The following CAST variants were observed in gnomAD, a reference collection of about 807,000 sequenced individuals.
CAST encodes the protein calpastatin.
CAST carries 76 observed loss-of-function variants against 119.6 expected under a neutral mutation model. That is an observed-to-expected ratio of 0.64 (90% CI 0.53 to 0.77). The LOEUF is 0.77. Among genes scored for constraint, CAST ranks in the 30% least tolerant of loss-of-function variants. The pLI, the probability that CAST is intolerant of heterozygous loss-of-function variation, is 0.00. For synonymous variants in CAST, 319 were observed against 331.6 expected (o/e 0.96, Z 0.41); for missense variants, 953 against 946.5 (o/e 1.01, Z -0.09).
the CAST span, among the ~76,000 whole-genome samples, chr5:96,236,126 T>TATCTATCTATCTATCC: frequency 2.0e-5 from 2 of 100,654 alleles, 1 homozygote; most frequent in Admixed American, 1.9e-4. Flanking sequence ...TCTATCTATC[T>TATCTATCTATCTATCC]CTCTATCTAT....
the CAST span, among the ~76,000 whole-genome samples, chr5:96,453,752 G>C: frequency 6.6e-6 from 1 of 152,128 alleles, no homozygotes; most frequent in African/African-American, 2.4e-5. Flanking sequence ...TTGATATATT[G>C]ATCTAATCAG....
chr5:96,684,369 G>A (rs73774385), intron 2 of CAST, among the ~76,000 whole-genome samples: 2,598 of 152,082 alleles, frequency 0.017, 76 homozygotes, highest in African/African-American at 0.059. Flanking sequence ...GGTGAGTCTC[G>A]TATTGATGTC....
At chr5:96,410,839 C>G in the CAST span, 1 of 1,614,102 alleles carries the variant, frequency 6.2e-7, no homozygotes, top group South Asian at 1.1e-5. Context: ...CACTTCTCAG[C>G]GTACCAGGGG....
the CAST span, among the ~76,000 whole-genome samples, chr5:96,035,041 GTATA>G: frequency 3.0e-3 from 326 of 107,984 alleles, 2 homozygotes; most frequent in African/African-American, 0.01. Flanking sequence ...TTGTATTTAA[GTATA>G]TATATATATA....
the CAST span, among the ~76,000 whole-genome samples, chr5:96,085,086 A>G: frequency 1.3e-5 from 2 of 152,328 alleles, no homozygotes; most frequent in African/African-American, 4.8e-5. Context: ...TTAACCAGGA[A>G]GTATCCTACA....
At chr5:96,497,800 C>A in the CAST span, among the ~76,000 whole-genome samples, 1,260 of 152,234 alleles carry the variant, frequency 8.3e-3, 13 homozygotes, top group African/African-American at 0.029. Context: ...ATTTTCTCCC[C>A]TTCTGCAGGT....
intron 1 of CAST, among the ~76,000 whole-genome samples, chr5:96,582,020 AATT>A (rs1361540830): frequency 6.6e-6 from 1 of 152,214 alleles, no homozygotes; most frequent in East Asian, 1.9e-4. Flanking sequence ...TGGGATGAGG[AATT>A]AGTAAACTCT....
the CAST span, among the ~76,000 whole-genome samples, chr5:96,025,100 G>A: frequency 1.3e-5 from 2 of 152,116 alleles, no homozygotes; most frequent in African/African-American, 2.4e-5. Context: ...TCTCCAAACT[G>A]ACCGAATTTA....
the CAST span, among the ~76,000 whole-genome samples, chr5:95,974,909 CCTTA>C: frequency 3.3e-4 from 50 of 152,040 alleles, no homozygotes; most frequent in African/African-American, 9.9e-4. Flanking sequence ...TTAACATTGT[CCTTA>C]CTTTTTTAAA....
At chr5:96,291,842 G>T in the CAST span, among the ~76,000 whole-genome samples, 1 of 132,880 alleles carries the variant, frequency 7.5e-6, no homozygotes, top group Non-Finnish European at 1.6e-5. Flanking sequence ...TTCCCAGTCT[G>T]CGTGTGTGTG....
At chr5:96,184,270 A>T in the CAST span, among the ~76,000 whole-genome samples, 1 of 152,296 alleles carries the variant, frequency 6.6e-6, no homozygotes, top group East Asian at 1.9e-4. Context: ...CTAAGTTGGA[A>T]GCACTCTCTT....
chr5:96,133,884 T>G, the CAST span, among the ~76,000 whole-genome samples: 21 of 152,184 alleles, frequency 1.4e-4, no homozygotes, highest in Non-Finnish European at 2.1e-4. Context: ...TTCCCCACTG[T>G]GTTTTTGGAG....
chr5:96,349,106 C>T, the CAST span, among the ~76,000 whole-genome samples: 2 of 133,680 alleles, frequency 1.5e-5, no homozygotes, highest in Non-Finnish European at 3.2e-5. Flanking sequence ...TCTGGTCTCT[C>T]TCTCATTTTT....
At chr5:96,413,294 C>T in the CAST span, among the ~76,000 whole-genome samples, 1 of 152,116 alleles carries the variant, frequency 6.6e-6, no homozygotes, top group African/African-American at 2.4e-5. Context: ...GGCTGTCACC[C>T]GTCATCAGAC....
At chr5:96,416,031 A>G in the CAST span, 2 of 1,589,918 alleles carry the variant, frequency 1.3e-6, no homozygotes, top group African/African-American at 2.7e-5. Flanking sequence ...CCTCTGTTTT[A>G]CCTCCAACTT....
the CAST span, among the ~76,000 whole-genome samples, chr5:96,175,393 A>G: frequency 2.6e-5 from 4 of 152,232 alleles, no homozygotes; most frequent in Non-Finnish European, 5.9e-5. Flanking sequence ...TCGAGTATCT[A>G]CTGAATGCCA....
upstream of CAST, among the ~76,000 whole-genome samples, chr5:96,525,078 G>A (rs1337372121): frequency 6.6e-6 from 1 of 152,158 alleles, no homozygotes; most frequent in Admixed American, 6.5e-5. Context: ...CACATTTTAG[G>A]CTGTAAACTC....
intron 1 of CAST, among the ~76,000 whole-genome samples, chr5:96,629,324 T>G (rs954508900): frequency 1.3e-5 from 2 of 152,214 alleles, no homozygotes; most frequent in African/African-American, 4.8e-5. Flanking sequence ...AACCATGAGC[T>G]GAATAAACTT....
the CAST span, among the ~76,000 whole-genome samples, chr5:95,992,561 A>T: frequency 6.6e-6 from 1 of 152,220 alleles, no homozygotes; most frequent in Non-Finnish European, 1.5e-5. Flanking sequence ...CTGAGAACTG[A>T]CACAGACCAG....
Sources: gnomAD v4.1 joint callset for allele counts (sites outside exome capture counted in the v4.1 genomes callset) on GRCh38, gnomAD v4.1.1 for gene constraint, MANE v1.5 for transcripts, NCBI Gene and HGNC (gene_info 2026-07-23, HGNC 2026-07-21) for gene names.